The following OPCML variants were observed in gnomAD, a reference collection of about 807,000 sequenced individuals.
OPCML encodes opioid-binding protein/cell adhesion molecule.
OPCML carries 13 observed loss-of-function variants against 37.8 expected under a neutral mutation model. That is an observed-to-expected ratio of 0.34 (90% CI 0.22 to 0.55). The LOEUF is 0.55. OPCML is among the 20% of genes least tolerant of loss of function. The pLI, the probability that OPCML is intolerant of heterozygous loss-of-function variation, is 0.91. For missense variants in OPCML, 341 were observed against 435.6 expected (o/e 0.78, Z 1.93); for synonymous variants, 176 against 168.8 (o/e 1.04, Z -0.33).
intron 2 of OPCML, among the ~76,000 whole-genome samples, chr11:132,898,231 G>A (rs1159969695): frequency 1.3e-5 from 2 of 152,204 alleles, no homozygotes; most frequent in African/African-American, 4.8e-5. Flanking sequence ...GTGGCAAGTT[G>A]ATTACATTGG....
chr11:133,400,713 A>G (rs1565614397), intron 1 of OPCML, among the ~76,000 whole-genome samples: 1 of 152,220 alleles, frequency 6.6e-6, no homozygotes, highest in African/African-American at 2.4e-5. Flanking sequence ...TCCAGCTAGG[A>G]GCAGTCTCCA....
At chr11:132,930,654 GA>G (rs778558660) in intron 2 of OPCML, among the ~76,000 whole-genome samples, 1 of 152,092 alleles carries the variant, frequency 6.6e-6, no homozygotes, top group South Asian at 2.1e-4. Flanking sequence ...ATTTAACTAA[GA>G]AGGTGAAAGT....
intron 3 of OPCML, among the ~76,000 whole-genome samples, chr11:132,535,761 C>T (rs1279828940): frequency 1.3e-5 from 2 of 152,108 alleles, no homozygotes; most frequent in Non-Finnish European, 2.9e-5. Flanking sequence ...AGCTGGATGC[C>T]TGTGTGCAGG....
chr11:133,405,654 G>A (rs1945509825), intron 1 of OPCML, among the ~76,000 whole-genome samples: 1 of 152,172 alleles, frequency 6.6e-6, no homozygotes, highest in Non-Finnish European at 1.5e-5. Flanking sequence ...GCTGGGGGAA[G>A]CAGAGCTTTG....
intron 4 of OPCML, among the ~76,000 whole-genome samples, chr11:132,439,353 C>A (rs901780785): frequency 1.3e-5 from 2 of 152,178 alleles, no homozygotes; most frequent in African/African-American, 2.4e-5. Flanking sequence ...GGAACTTAGA[C>A]AATTTCAAGA....
chr11:133,380,382 T>A (rs1182627446), intron 1 of OPCML, among the ~76,000 whole-genome samples: 2 of 152,166 alleles, frequency 1.3e-5, no homozygotes, highest in African/African-American at 4.8e-5. Flanking sequence ...TTTAAAAAAA[T>A]TTTCCTAACT....
At chr11:133,006,918 T>G in intron 1 of OPCML, 1 of 985,444 alleles carries the variant, frequency 1.0e-6, no homozygotes, top group Non-Finnish European at 1.2e-6. Flanking sequence ...GCTGGTGTAG[T>G]GCTTGTGGCA....
At chr11:133,215,856 C>A (rs1235492103) in intron 1 of OPCML, among the ~76,000 whole-genome samples, 1 of 152,200 alleles carries the variant, frequency 6.6e-6, no homozygotes, top group Non-Finnish European at 1.5e-5. Flanking sequence ...TTTGCACAAG[C>A]CGCTAAATGA....
At chr11:133,279,092 A>C (rs1942070423) in intron 1 of OPCML, among the ~76,000 whole-genome samples, 1 of 152,196 alleles carries the variant, frequency 6.6e-6, no homozygotes, top group African/African-American at 2.4e-5. Context: ...GTCCACGGCT[A>C]ATAGGAAGAA....
chr11:132,792,687 G>A lies in OPCML; in HGVS notation c.147-135368C>T, dbSNP rs1258226758. Among the ~76,000 whole-genome samples, 5 of 152,286 alleles carry A rather than the reference G, an allele frequency of 3.3e-5. No homozygotes were observed. The East Asian group carries it at 9.7e-4, about 30-fold the overall frequency. On this transcript the variant is annotated intron_variant, in intron 2 of 7. Transcript: ENST00000524381. ...CGGAGAGGGGGTGGCGGAGGGGATGGGCGGCCCCCACCTGCGGCCCCCAGG... is the reference window on the plus strand; with the variant it reads ...CGGAGAGGGGGTGGCGGAGGGGATGAGCGGCCCCCACCTGCGGCCCCCAGG...
chr11:132,782,353 G>A (rs1238364274), intron 2 of OPCML, among the ~76,000 whole-genome samples: 1 of 152,134 alleles, frequency 6.6e-6, no homozygotes, highest in African/African-American at 2.4e-5. Flanking sequence ...CACCCACCAC[G>A]GAGCTGAATT....
At chr11:133,031,212 T>C (rs1374136511) in intron 1 of OPCML, among the ~76,000 whole-genome samples, 4 of 152,082 alleles carry the variant, frequency 2.6e-5, no homozygotes, top group Admixed American at 6.6e-5. Flanking sequence ...GGTGGGTGGA[T>C]GGACAGATGG....
At chr11:132,853,517 A>C (rs1037716898) in intron 2 of OPCML, among the ~76,000 whole-genome samples, 3 of 152,210 alleles carry the variant, frequency 2.0e-5, no homozygotes, top group African/African-American at 7.2e-5. Context: ...AATGTGTGTT[A>C]GTATAAATAG....
intron 2 of OPCML, among the ~76,000 whole-genome samples, chr11:132,752,516 A>G (rs1199993654): frequency 6.6e-6 from 1 of 152,204 alleles, no homozygotes; most frequent in Non-Finnish European, 1.5e-5. Flanking sequence ...TCACTGCCAT[A>G]GAACTGAATC....
intron 1 of OPCML, among the ~76,000 whole-genome samples, chr11:132,968,524 C>T (rs117469662): frequency 0.016 from 2,458 of 152,170 alleles, 27 homozygotes; most frequent in Non-Finnish European, 0.024. Flanking sequence ...CTACCAGTAC[C>T]ACCCCTATGA....
intron 4 of OPCML, among the ~76,000 whole-genome samples, chr11:132,472,073 G>A (rs534240245): frequency 6.6e-6 from 1 of 152,250 alleles, no homozygotes; most frequent in East Asian, 1.9e-4. Context: ...TCAACACTCA[G>A]CTTGGGGGTG....
chr11:133,415,558 G>C (rs780079328), intron 1 of OPCML, among the ~76,000 whole-genome samples: 4 of 152,268 alleles, frequency 2.6e-5, no homozygotes, highest in Non-Finnish European at 4.4e-5. Context: ...GGTCAACCAG[G>C]AGGAGGAAGA....
At chr11:133,268,295 A>G (rs1421787982) in intron 1 of OPCML, among the ~76,000 whole-genome samples, 1 of 152,256 alleles carries the variant, frequency 6.6e-6, no homozygotes, top group African/African-American at 2.4e-5. Context: ...CAGTATCACC[A>G]TTCAAGAGCT....
intron 2 of OPCML, among the ~76,000 whole-genome samples, chr11:132,868,692 A>C (rs1189745684): frequency 3.3e-5 from 5 of 152,136 alleles, no homozygotes; most frequent in Non-Finnish European, 7.3e-5. Context: ...GTGGGCTTAA[A>C]AACCCAGAAA....
Sources: gnomAD v4.1 joint callset for allele counts (sites outside exome capture counted in the v4.1 genomes callset) on GRCh38, gnomAD v4.1.1 for gene constraint, MANE v1.5 for transcripts, NCBI Gene and HGNC (gene_info 2026-07-23, HGNC 2026-07-21) for gene names.